The following RAB10 variants were observed in gnomAD, a reference collection of about 807,000 sequenced individuals.
The protein encoded by RAB10 is ras-related protein Rab-10.
Under a neutral mutation model 25.7 loss-of-function variants are expected in RAB10, and 5 were observed. The ratio of observed to expected loss-of-function variants is 0.19; its 90% CI spans 0.10 to 0.41. RAB10 has a LOEUF of 0.41. Ranked by LOEUF, RAB10 falls within the 10% of genes least tolerant of loss-of-function variation. The pLI is 1.00. For missense variants in RAB10, 103 were observed against 245.8 expected, an observed-to-expected ratio of 0.42 and a Z score of 3.89; for synonymous variants, 89 against 86.4, an observed-to-expected ratio of 1.03 and a Z score of -0.16.
At chr2:26,037,508 G>A (rs1195495019) in intron 1 of RAB10, among the ~76,000 whole-genome samples, 3 of 151,956 alleles carry the variant, frequency 2.0e-5, no homozygotes, top group South Asian at 2.1e-4. Flanking sequence ...GCGTGGTGGC[G>A]CATGCTTGTA....
At chr2:26,062,635 G>T (rs2149267671) in intron 1 of RAB10, among the ~76,000 whole-genome samples, 1 of 151,390 alleles carries the variant, frequency 6.6e-6, no homozygotes, top group East Asian at 2.0e-4. Flanking sequence ...CCGAGATCAT[G>T]CTACTCCACT....
chr2:26,086,566 C>G (rs553866551), intron 1 of RAB10, among the ~76,000 whole-genome samples: 2 of 152,260 alleles, frequency 1.3e-5, no homozygotes, highest in Admixed American at 6.5e-5. Flanking sequence ...CTAAGGTTTC[C>G]CATGTGACTC....
intron 1 of RAB10, among the ~76,000 whole-genome samples, chr2:26,035,838 A>T (rs951924942): frequency 2.0e-5 from 3 of 152,178 alleles, no homozygotes; most frequent in Non-Finnish European, 2.9e-5. Flanking sequence ...GCGTAACTGA[A>T]ATATTTGGTT....
intron 1 of RAB10, among the ~76,000 whole-genome samples, chr2:26,063,839 C>T (rs1209543744): frequency 1.3e-5 from 2 of 152,144 alleles, no homozygotes; most frequent in East Asian, 3.9e-4. Flanking sequence ...ACTCTGTCGC[C>T]CAGGCTGGAG....
intron 1 of RAB10, among the ~76,000 whole-genome samples, chr2:26,083,240 T>G (rs1298576482): frequency 6.6e-6 from 1 of 152,224 alleles, no homozygotes; most frequent in Non-Finnish European, 1.5e-5. Context: ...TTAGACTGTG[T>G]TGTTATATAC....
chr2:26,130,439 A>ACCACAGGGGTATGCCATCAAG, intron 5 of RAB10, among the ~76,000 whole-genome samples: 1 of 151,504 alleles, frequency 6.6e-6, no homozygotes, highest in Admixed American at 6.6e-5. Context: ...AGTAGCTGGG[A>ACCACAGGGGTATGCCATCAAG]CCACAGGGGT....
chr2:26,091,613 T>C (rs1667108112), intron 1 of RAB10, among the ~76,000 whole-genome samples: 1 of 152,090 alleles, frequency 6.6e-6, no homozygotes, highest in Non-Finnish European at 1.5e-5. Context: ...AGATGGGATA[T>C]GGAGATAACT....
intron 2 of RAB10, among the ~76,000 whole-genome samples, chr2:26,104,902 T>A (rs1041769850): frequency 6.6e-6 from 1 of 152,050 alleles, no homozygotes; most frequent in African/African-American, 2.4e-5. Context: ...CACGCCCGGC[T>A]AATTTTTTGT....
At chr2:26,086,246 A>G (rs1666985457) in intron 1 of RAB10, among the ~76,000 whole-genome samples, 1 of 152,178 alleles carries the variant, frequency 6.6e-6, no homozygotes, top group South Asian at 2.1e-4. Context: ...AGCTTACACC[A>G]TTGTACTCCA....
chr2:26,097,756 A>G (rs1667254765), intron 1 of RAB10, among the ~76,000 whole-genome samples: 3 of 152,174 alleles, frequency 2.0e-5, no homozygotes, highest in Admixed American at 2.0e-4. Context: ...CTGTATCATT[A>G]TTGATTTTTC....
At chr2:26,051,539 CAA>C (rs1666133189) in intron 1 of RAB10, among the ~76,000 whole-genome samples, 1 of 148,870 alleles carries the variant, frequency 6.7e-6, no homozygotes. Flanking sequence ...CGAACGAGGT[CAA>C]GAGATCGAGA....
chr2:26,045,660 TG>T (rs1472440373), intron 1 of RAB10, among the ~76,000 whole-genome samples: 1 of 152,214 alleles, frequency 6.6e-6, no homozygotes, highest in Non-Finnish European at 1.5e-5. Flanking sequence ...AAATATAAAT[TG>T]TATGATTAGC....
At chr2:26,094,821 G>C (rs1175388956) in intron 1 of RAB10, among the ~76,000 whole-genome samples, 2 of 152,040 alleles carry the variant, frequency 1.3e-5, no homozygotes, top group African/African-American at 4.8e-5. Flanking sequence ...AGCCACCCAA[G>C]GTGCTGGGAT....
chr2:26,095,241 G>T (rs373863202), intron 1 of RAB10, among the ~76,000 whole-genome samples: 1 of 152,120 alleles, frequency 6.6e-6, no homozygotes, highest in Non-Finnish European at 1.5e-5. Flanking sequence ...TTCAGGCAAA[G>T]AATTTATTGG....
Position 26,056,959 on chromosome 2 carries a change from T to TC in RAB10, c.127+22225dup, listed in dbSNP as rs1381202575. ...TGGTGCCTACTATGAAGGACTCTGA[T>TC]CTGACAATAAGCTTGTACTTTGCTA... On this transcript the variant is annotated intron_variant, in intron 1 of 5. Transcript: ENST00000264710. Among the ~76,000 whole-genome samples the TC allele has an allele frequency of 5.3e-5, 8 of 152,304 alleles. No homozygotes were observed. In the East Asian group the frequency reaches 1.3e-3, roughly 26 times the overall value.
chr2:26,062,269 C>T (rs1364485844), intron 1 of RAB10, among the ~76,000 whole-genome samples: 3 of 152,208 alleles, frequency 2.0e-5, no homozygotes, highest in Non-Finnish European at 4.4e-5. Context: ...AGCCCATCCT[C>T]TGCTCCATAG....
At position 26,071,140 on chromosome 2, in the gene RAB10, A is replaced by G. The variant is rs576135506; in HGVS notation, c.128-27522A>G. Among the ~76,000 whole-genome samples, 64 of 152,306 alleles carry G rather than the reference A, an allele frequency of 4.2e-4. 2 individuals are homozygous for G. The South Asian group carries it at 0.012, about 30-fold the overall frequency. ...TTGTTAAATCTTGACCTTTGAGCAT[A>G]TATCTTTTTGGTGTATGATGAAATG... is the stretch of plus-strand genomic sequence containing the variant. On this transcript the variant is annotated intron_variant, in intron 1 of 5. Transcript: ENST00000264710.
chr2:26,095,255 C>T (rs1268137363), intron 1 of RAB10, among the ~76,000 whole-genome samples: 1 of 152,032 alleles, frequency 6.6e-6, no homozygotes, highest in Non-Finnish European at 1.5e-5. Context: ...TTATTGGTTC[C>T]AATTACTTAA....
At chr2:26,037,428 C>T (rs945918321) in intron 1 of RAB10, among the ~76,000 whole-genome samples, 5 of 152,110 alleles carry the variant, frequency 3.3e-5, no homozygotes, top group Non-Finnish European at 4.4e-5. Context: ...CACCTGAGGT[C>T]GGAAGTTCGA....
Sources: allele counts gnomAD v4.1 joint callset (sites outside exome capture counted in the v4.1 genomes callset), GRCh38; gene constraint gnomAD v4.1.1; transcripts MANE v1.5; gene names NCBI Gene and HGNC (gene_info 2026-07-23, HGNC 2026-07-21).